The following TJP1 variants were observed in gnomAD, a reference collection of about 807,000 sequenced individuals.
TJP1 encodes tight junction protein ZO-1.
TJP1 carries 43 observed loss-of-function variants against 194.2 expected under a neutral mutation model. The observed-to-expected ratio is 0.22, with a 90% CI of 0.17 to 0.29. The LOEUF (loss-of-function observed/expected upper bound fraction) is 0.29. TJP1 is among the 10% of genes least tolerant of loss of function. The probability of loss-of-function intolerance (pLI) is 1.00; values close to 1 mark genes in which losing one functional copy is unlikely to be tolerated. For synonymous variants in TJP1, 801 were observed against 779.0 expected (o/e 1.03, Z -0.47); for missense variants, 1,971 against 2,185.7 (o/e 0.90, Z 1.96).
At chr15:29,923,530 C>T (rs1236414170) in intron 2 of TJP1, among the ~76,000 whole-genome samples, 1 of 152,108 alleles carries the variant, frequency 6.6e-6, no homozygotes, top group African/African-American at 2.4e-5. Context: ...ACCTTAAAAA[C>T]AGCATGCAAA....
chr15:29,866,095 A>C (rs567255716), intron 2 of TJP1, among the ~76,000 whole-genome samples: 11 of 152,356 alleles, frequency 7.2e-5, no homozygotes, highest in South Asian at 4.1e-4. Context: ...TGCAGCTTTA[A>C]GCACTTTTTC....
chr15:29,865,213 G>C lies in TJP1; in HGVS notation c.307-64511C>G, dbSNP rs560311366. 4.6e-5 allele frequency among the ~76,000 whole-genome samples: 7 copies of C among 152,280 alleles called. No individual in the cohort carries two copies. The South Asian group carries it at 1.4e-3, about 32-fold the overall frequency. ...AAATCAACACCAATCCTTCTGATAA[G>C]ACGAGAATTACTCTTTCAACAGTTA... On this transcript the variant is annotated intron_variant, in intron 2 of 28. Transcript: ENST00000356107.
chr15:29,872,011 A>G (rs890456938), intron 2 of TJP1, among the ~76,000 whole-genome samples: 3 of 152,234 alleles, frequency 2.0e-5, no homozygotes, highest in Non-Finnish European at 4.4e-5. Context: ...CTGAACACAC[A>G]GCACACAGCT....
chr15:29,747,519 A>G (rs1595738077), intron 8 of TJP1, among the ~76,000 whole-genome samples: 2 of 152,264 alleles, frequency 1.3e-5, no homozygotes, highest in African/African-American at 4.8e-5. Flanking sequence ...TTTTAAAAAG[A>G]GAAAAGTGAA....
chr15:29,849,186 G>A (rs189713923), intron 2 of TJP1, among the ~76,000 whole-genome samples: 18 of 152,108 alleles, frequency 1.2e-4, no homozygotes, highest in African/African-American at 4.1e-4. Flanking sequence ...TTTTCTTCAC[G>A]AAATCTACAT....
intron 2 of TJP1, among the ~76,000 whole-genome samples, chr15:29,828,757 G>A (rs12441554): frequency 0.8 from 117,863 of 147,870 alleles, 47,319 homozygotes; most frequent in East Asian, 0.87. Context: ...TTTTTGAGGT[G>A]GAGTCTTGCT....
chr15:29,901,169 A>G (rs2053624104), intron 2 of TJP1, among the ~76,000 whole-genome samples: 1 of 152,226 alleles, frequency 6.6e-6, no homozygotes. Flanking sequence ...CTTACCCGCT[A>G]CTGAATGATG....
chr15:29,706,091 C>T (rs1326920084), intron 25 of TJP1, among the ~76,000 whole-genome samples: 1 of 152,124 alleles, frequency 6.6e-6, no homozygotes, highest in Non-Finnish European at 1.5e-5. Context: ...GCCACCAAGC[C>T]TGGCTAATTT....
At chr15:29,911,342 A>T (rs2054005226) in intron 2 of TJP1, among the ~76,000 whole-genome samples, 1 of 152,232 alleles carries the variant, frequency 6.6e-6, no homozygotes, top group Non-Finnish European at 1.5e-5. Context: ...ACCCATTAGT[A>T]AATTCAGCAG....
chr15:29,833,879 A>ATT lies in TJP1; in HGVS notation c.307-33178_307-33177insAA, dbSNP rs1460129845. ...TAAGTATATATATATATATATATAT[A>ATT]TATTTTTTTTTTTTTTTTTTTTGAG... On this transcript the variant is annotated intron_variant, in intron 2 of 28. Coordinates refer to the TJP1 transcript ENST00000356107. Among the ~76,000 whole-genome samples, 25 of 13,788 alleles carry ATT rather than the reference A, an allele frequency of 1.8e-3. 2 individuals carry two copies. The highest frequency in any genetic ancestry group is 4.4e-3 in the African/African-American group (18 of 4,072). 9.0% of individuals were successfully genotyped at this position (13,788 alleles called of 152,430 possible).
At chr15:29,755,661 C>G (rs2045596475) in intron 8 of TJP1, among the ~76,000 whole-genome samples, 2 of 152,148 alleles carry the variant, frequency 1.3e-5, no homozygotes, top group Non-Finnish European at 2.9e-5. Flanking sequence ...CAGAACTAAC[C>G]ATTTTCGTAA....
intron 2 of TJP1, among the ~76,000 whole-genome samples, chr15:29,929,773 C>G (rs1245209583): frequency 6.6e-6 from 1 of 151,712 alleles, no homozygotes; most frequent in Non-Finnish European, 1.5e-5. Flanking sequence ...TATAAGATAA[C>G]AGGGGCAGAA....
intron 2 of TJP1, among the ~76,000 whole-genome samples, chr15:29,942,946 C>G (rs1308434075): frequency 6.6e-6 from 1 of 152,022 alleles, no homozygotes; most frequent in Non-Finnish European, 1.5e-5. Flanking sequence ...TCTTTAGCAC[C>G]CATTATGGAC....
chr15:29,865,174 G>A (rs2052257959), intron 2 of TJP1, among the ~76,000 whole-genome samples: 1 of 152,120 alleles, frequency 6.6e-6, no homozygotes, highest in African/African-American at 2.4e-5. Context: ...TGTTTTTCTT[G>A]GTTTTAGCTA....
chr15:29,910,088 A>G (rs2053966713), intron 2 of TJP1, among the ~76,000 whole-genome samples: 1 of 152,230 alleles, frequency 6.6e-6, no homozygotes, highest in Non-Finnish European at 1.5e-5. Flanking sequence ...AAACCACAGG[A>G]GAAAATACCT....
At chr15:29,807,721 G>A (rs2049205532) in intron 1 of TJP1, among the ~76,000 whole-genome samples, 2 of 152,116 alleles carry the variant, frequency 1.3e-5, no homozygotes, top group South Asian at 4.2e-4. Flanking sequence ...TACAGATGGA[G>A]AATGTAACCA....
At chr15:29,763,908 T>C (rs2046168389) in intron 5 of TJP1, among the ~76,000 whole-genome samples, 1 of 152,146 alleles carries the variant, frequency 6.6e-6, no homozygotes, top group Non-Finnish European at 1.5e-5. Flanking sequence ...CAGTCATCCA[T>C]ATGGTCATTA....
intron 1 of TJP1, among the ~76,000 whole-genome samples, chr15:29,963,338 T>G (rs962961750): frequency 2.0e-5 from 3 of 152,142 alleles, no homozygotes; most frequent in Non-Finnish European, 4.4e-5. Flanking sequence ...TCAATTGTCT[T>G]TTGAACCTTG....
chr15:29,763,245 A>G (rs1341066776), intron 5 of TJP1, among the ~76,000 whole-genome samples: 2 of 152,230 alleles, frequency 1.3e-5, no homozygotes, highest in African/African-American at 4.8e-5. Flanking sequence ...TTACTAGCAG[A>G]GTCCAGAGAA....
Sources: allele counts gnomAD v4.1 joint callset (sites outside exome capture counted in the v4.1 genomes callset), GRCh38; gene constraint gnomAD v4.1.1; transcripts MANE v1.5; gene names NCBI Gene and HGNC (gene_info 2026-07-23, HGNC 2026-07-21).